GALNT2: variants seen among roughly 807,000 people sequenced by gnomAD.
The protein encoded by GALNT2 is polypeptide N-acetylgalactosaminyltransferase 2.
In GALNT2, 31 loss-of-function variants were observed where a neutral mutation model predicts 81.4. The ratio of observed to expected loss-of-function variants is 0.38; its 90% CI spans 0.29 to 0.51. The LOEUF is 0.51. Ranked by LOEUF, GALNT2 falls within the 20% of genes least tolerant of loss-of-function variation. The probability of loss-of-function intolerance (pLI) is 0.87; values close to 1 mark genes in which losing one functional copy is unlikely to be tolerated. For synonymous variants in GALNT2, 303 were observed against 287.4 expected, an observed-to-expected ratio of 1.05 and a Z score of -0.55; for missense variants, 629 against 765.7, an observed-to-expected ratio of 0.82 and a Z score of 2.11.
intron 2 of GALNT2, among the ~76,000 whole-genome samples, chr1:230,183,751 G>T (rs1663230511): frequency 6.6e-6 from 1 of 152,202 alleles, no homozygotes; most frequent in Non-Finnish European, 1.5e-5. Context: ...GCCGAGGCAG[G>T]CAGATCACCT....
intron 1 of GALNT2, among the ~76,000 whole-genome samples, chr1:230,124,121 G>A (rs1459225844): frequency 2.0e-5 from 3 of 152,190 alleles, no homozygotes; most frequent in Admixed American, 2.0e-4. Flanking sequence ...TTAAAAAGAA[G>A]TAAAGACATT....
At chr1:230,201,981 C>T (rs1663907493) in intron 2 of GALNT2, among the ~76,000 whole-genome samples, 1 of 152,150 alleles carries the variant, frequency 6.6e-6, no homozygotes, top group African/African-American at 2.4e-5. Flanking sequence ...GTATGAGTTT[C>T]ATGTGAGCAG....
chr1:230,179,123 T>C (rs1169420565), intron 2 of GALNT2, among the ~76,000 whole-genome samples: 1 of 151,496 alleles, frequency 6.6e-6, no homozygotes, highest in Non-Finnish European at 1.5e-5. Context: ...TTCCTCCATG[T>C]CTTTTCATGG....
intron 1 of GALNT2, among the ~76,000 whole-genome samples, chr1:230,059,609 AG>A (rs963576235): frequency 2.2e-4 from 34 of 152,342 alleles, no homozygotes; most frequent in African/African-American, 7.7e-4. Flanking sequence ...GAATGTTTTT[AG>A]GTTTCTGCCT....
chr1:230,273,871 T>C (rs937346919), intron 14 of GALNT2, among the ~76,000 whole-genome samples: 1 of 152,240 alleles, frequency 6.6e-6, no homozygotes, highest in Non-Finnish European at 1.5e-5. Flanking sequence ...CATAGATCTA[T>C]TCCTCCAGTT....
At chr1:230,234,404 G>C (rs1212113113) in intron 3 of GALNT2, among the ~76,000 whole-genome samples, 1 of 152,102 alleles carries the variant, frequency 6.6e-6, no homozygotes, top group African/African-American at 2.4e-5. Flanking sequence ...ATCATTTTCG[G>C]AGCCCCAGCA....
At chr1:230,146,210 A>T (rs148628648) in intron 1 of GALNT2, among the ~76,000 whole-genome samples, 1,560 of 152,124 alleles carry the variant, frequency 0.01, 27 homozygotes, top group African/African-American at 0.036. Flanking sequence ...GACTGTAGTT[A>T]TTTTTCCCCT....
intron 1 of GALNT2, among the ~76,000 whole-genome samples, chr1:230,139,380 A>G (rs1208560824): frequency 2.6e-5 from 4 of 152,144 alleles, no homozygotes; most frequent in Admixed American, 6.5e-5. Flanking sequence ...TCCCTGCCAC[A>G]ACTTCCAAGC....
chr1:230,156,244 AGTGTGT>A (rs56074247), intron 1 of GALNT2, among the ~76,000 whole-genome samples: 24 of 146,892 alleles, frequency 1.6e-4, no homozygotes, highest in South Asian at 9.0e-4. Context: ...AGAGAGAGAG[AGTGTGT>A]GTGTGTGTGT....
chr1:230,265,157 A>G, intron 13 of GALNT2, 84 bp from the exon 14 acceptor site: 1 of 1,582,878 alleles, frequency 6.3e-7, no homozygotes, highest in Admixed American at 1.7e-5. Context: ...GTCACCTGTC[A>G]TGAGGCCACT....
intron 3 of GALNT2, among the ~76,000 whole-genome samples, chr1:230,224,830 T>C (rs1307598147): frequency 6.6e-6 from 1 of 152,248 alleles, no homozygotes; most frequent in Non-Finnish European, 1.5e-5. Context: ...TAGGCTTGAG[T>C]TTCCTGTGTC....
At chr1:230,141,342 T>A (rs1161380677) in intron 1 of GALNT2, among the ~76,000 whole-genome samples, 1 of 152,208 alleles carries the variant, frequency 6.6e-6, no homozygotes, top group Non-Finnish European at 1.5e-5. Context: ...ATCATAAAAT[T>A]TGCTGTCTTA....
At chr1:230,276,355 A>G (rs1465138578) in intron 15 of GALNT2, among the ~76,000 whole-genome samples, 1 of 152,110 alleles carries the variant, frequency 6.6e-6, no homozygotes, top group Non-Finnish European at 1.5e-5. Flanking sequence ...CTGTATGCCC[A>G]TACTTGGAGT....
chr1:230,249,842 T>A (rs1011083690), intron 9 of GALNT2, among the ~76,000 whole-genome samples: 7 of 152,212 alleles, frequency 4.6e-5, no homozygotes, highest in African/African-American at 1.7e-4. Context: ...TTGCTGACAT[T>A]TAGCCAACAT....
intron 15 of GALNT2, among the ~76,000 whole-genome samples, chr1:230,276,376 G>A (rs1666309110): frequency 6.6e-6 from 1 of 152,074 alleles, no homozygotes; most frequent in African/African-American, 2.4e-5. Context: ...GCCTGCCCCT[G>A]TTCTTACAGT....
intron 1 of GALNT2, among the ~76,000 whole-genome samples, chr1:230,142,859 C>G (rs555408263): frequency 1.8e-4 from 27 of 152,280 alleles, no homozygotes; most frequent in Non-Finnish European, 4.0e-4. Flanking sequence ...TCCTTCTGTT[C>G]ATTTAAAGCC....
At chr1:230,140,937 G>T (rs1175612465) in intron 1 of GALNT2, among the ~76,000 whole-genome samples, 1 of 152,160 alleles carries the variant, frequency 6.6e-6, no homozygotes, top group Non-Finnish European at 1.5e-5. Flanking sequence ...ATCCTTTCTA[G>T]TTCTGAAATA....
chr1:230,161,229 C>G (rs56217501), intron 1 of GALNT2, among the ~76,000 whole-genome samples: 14,025 of 152,244 alleles, frequency 0.092, 832 homozygotes, highest in South Asian at 0.19. Flanking sequence ...CCAAGGTGGC[C>G]TCACGTGTCC....
At chr1:230,111,473 A>C (rs1660703646) in intron 1 of GALNT2, among the ~76,000 whole-genome samples, 1 of 152,244 alleles carries the variant, frequency 6.6e-6, no homozygotes, top group South Asian at 2.1e-4. Flanking sequence ...CTGCTCAATG[A>C]GACTCTGAAA....
Sources: gnomAD v4.1 joint callset for allele counts (sites outside exome capture counted in the v4.1 genomes callset) on GRCh38, gnomAD v4.1.1 for gene constraint, MANE v1.5 for transcripts, NCBI Gene and HGNC (gene_info 2026-07-23, HGNC 2026-07-21) for gene names.